The following ZNF469 variants were observed in gnomAD, a reference collection of about 807,000 sequenced individuals.
The protein encoded by ZNF469 is zinc finger protein 469.
In ZNF469, 1 loss-of-function variant was observed where a neutral mutation model predicts 1.0. The observed-to-expected ratio is 1.00, with a 90% CI of 0.35 to 4.73. The LOEUF is 4.73. Ranked by LOEUF, ZNF469 falls within the 30% of genes most tolerant of loss-of-function variation. The probability of loss-of-function intolerance (pLI) is 0.16; values close to 1 mark genes in which losing one functional copy is unlikely to be tolerated. For missense variants in ZNF469, 6,100 were observed against 5,356.3 expected (o/e 1.14, Z -4.33); for synonymous variants, 2,703 against 2,363.4 (o/e 1.14, Z -4.17).
the ZNF469 span, among the ~76,000 whole-genome samples, chr16:88,208,775 G>GCACACACACACACA: frequency 4.2e-5 from 2 of 47,442 alleles, no homozygotes; most frequent in African/African-American, 7.5e-5. Flanking sequence ...ATGCGCGTGC[G>GCACACACACACACA]CGCGCACACA....
chr16:88,260,037 G>A, the ZNF469 span, among the ~76,000 whole-genome samples: 759 of 152,092 alleles, frequency 5.0e-3, 8 homozygotes, highest in African/African-American at 0.018. The surrounding 1 kb of genome is among the most constrained non-coding windows in gnomAD (Gnocchi z 4.1). Context: ...GAGTGCAGTG[G>A]TAAGATCTTG....
chr16:88,249,429 C>CTTTTTTT, the ZNF469 span, among the ~76,000 whole-genome samples: 5 of 63,610 alleles, frequency 7.9e-5, no homozygotes, highest in African/African-American at 4.2e-4. Flanking sequence ...TTTTCTTTTT[C>CTTTTTTT]TTTTTTTTTT....
rs1473995772 is a variant in ZNF469 at position 88,429,389 on chromosome 16, A to G, written c.1919A>G (p.His640Arg). 2.0e-6 allele frequency: 3 copies of G among 1,524,616 alleles called. No individual in the cohort carries two copies. The highest frequency in any genetic ancestry group is 2.6e-6 in the Non-Finnish European group (3 of 1,134,922). 94.4% of individuals were successfully genotyped at this position (1,524,616 alleles called of 1,614,324 possible). The change falls in exon 3 of 3, where the codon CAC becomes CGC. Residue 640 changes from histidine (H) to arginine (R), a missense_variant. Transcript: ENST00000565624. ...TCGGCCTTCTTCCACCCACCCACTC[A>G]CCCCCAGGAGACGGGCAGCCCCTTC... is the stretch of plus-strand genomic sequence containing the variant. ...GPSAFFHPPT[H>R]PQETGSPFPS... is the part of the protein sequence containing the mutation.
chr16:88,154,516 C>T, the ZNF469 span, among the ~76,000 whole-genome samples: 14 of 152,318 alleles, frequency 9.2e-5, no homozygotes, highest in African/African-American at 2.4e-4. Context: ...ATGGTACCAT[C>T]GTAGAAAGTT....
At chr16:88,249,845 G>A in the ZNF469 span, among the ~76,000 whole-genome samples, 238 of 152,328 alleles carry the variant, frequency 1.6e-3, no homozygotes, top group African/African-American at 5.5e-3. Flanking sequence ...TCACAGGCGT[G>A]AGCCCCTGCA....
intron 1 of ZNF469, among the ~76,000 whole-genome samples, chr16:88,418,921 AG>A (rs771693987): frequency 6.6e-6 from 1 of 152,264 alleles, no homozygotes; most frequent in Non-Finnish European, 1.5e-5. Context: ...CCGTACGGCG[AG>A]GACTACAGAC....
chr16:88,188,568 G>A, the ZNF469 span, among the ~76,000 whole-genome samples: 1 of 152,148 alleles, frequency 6.6e-6, no homozygotes, highest in African/African-American at 2.4e-5. Flanking sequence ...GAATCTCTGG[G>A]AGTCCTGTTC....
intron 1 of ZNF469, among the ~76,000 whole-genome samples, chr16:88,390,288 G>T (rs988850841): frequency 7.2e-5 from 11 of 152,168 alleles, no homozygotes; most frequent in African/African-American, 2.4e-4. Flanking sequence ...GGATACACAT[G>T]GGAGTAGGGG....
chr16:88,140,026 T>C, the ZNF469 span, among the ~76,000 whole-genome samples: 1 of 152,172 alleles, frequency 6.6e-6, no homozygotes, highest in African/African-American at 2.4e-5. Flanking sequence ...ACTGTCAGGA[T>C]CAAGTGCAGT....
At position 88,431,444 on chromosome 16, in the gene ZNF469, G is replaced by A; in HGVS notation, c.3974G>A (p.Gly1325Glu). 1.3e-6 allele frequency: 2 copies of A among 1,550,366 alleles called. No individual in the cohort carries two copies. Among genetic ancestry groups the A allele is most frequent in the Non-Finnish European group, 1.7e-6 (2 of 1,146,984 alleles). Residue 1325 changes from glycine (G) to glutamate (E), a missense_variant, in exon 3 of 3, where the codon GGA becomes GAA. Physicochemically the swap from Gly to Glu is moderately conservative, Grantham distance 98. Coordinates refer to ENST00000565624, the MANE Select transcript of ZNF469 (RefSeq NM_001367624.2). Reference protein sequence around the residue: ...NSKDPPARQPGEFLAPVANPS... With the variant: ...NSKDPPARQPEEFLAPVANPS... ...AAGGACCCCCCTGCCCGCCAGCCTG[G>A]AGAATTTCTGGCACCCGTGGCTAAC...
chr16:88,120,935 G>A, the ZNF469 span, among the ~76,000 whole-genome samples: 5 of 152,174 alleles, frequency 3.3e-5, no homozygotes, highest in Non-Finnish European at 7.4e-5. Flanking sequence ...GCCATGCGGC[G>A]TTTCTTGGCC....
the ZNF469 span, among the ~76,000 whole-genome samples, chr16:88,153,556 C>T: frequency 6.6e-6 from 1 of 152,218 alleles, no homozygotes; most frequent in African/African-American, 2.4e-5. Flanking sequence ...TATGGGGACA[C>T]AAATGGCACG....
At chr16:88,310,167 G>T in the ZNF469 span, among the ~76,000 whole-genome samples, 1 of 152,150 alleles carries the variant, frequency 6.6e-6, no homozygotes, top group South Asian at 2.1e-4. Flanking sequence ...AGCCTGGCAT[G>T]AGAGCAAATC....
the ZNF469 span, among the ~76,000 whole-genome samples, chr16:88,362,929 C>T: frequency 1.3e-5 from 2 of 152,180 alleles, no homozygotes; most frequent in African/African-American, 2.4e-5. Context: ...GGTTAAACCA[C>T]GTCCATTAAT....
the ZNF469 span, among the ~76,000 whole-genome samples, chr16:88,152,257 C>T: frequency 6.6e-6 from 1 of 152,260 alleles, no homozygotes; most frequent in East Asian, 1.9e-4. This position sits in a 1 kb window ranked among gnomAD's most constrained non-coding sequence, Gnocchi z 4.2. Context: ...CTTGCTCTGG[C>T]CCTAACGCGT....
chr16:88,155,211 G>A, the ZNF469 span, among the ~76,000 whole-genome samples: 5 of 152,248 alleles, frequency 3.3e-5, no homozygotes, highest in Admixed American at 2.6e-4. Flanking sequence ...TGCAAGTGCC[G>A]GCCCACAGGG....
chr16:88,381,371 C>A (rs923361723), upstream of ZNF469, among the ~76,000 whole-genome samples: 2 of 138,618 alleles, frequency 1.4e-5, no homozygotes, highest in African/African-American at 5.4e-5. Flanking sequence ...CATGCACTCA[C>A]ACACAGAGAC....
At position 88,424,738 on chromosome 16, in the gene ZNF469, T is replaced by TCTC. The variant is rs1228790610; in HGVS notation, c.-191-65_-191-63dup. On this transcript the variant is annotated intron_variant, in intron 1 of 2. Transcript: ENST00000565624. The surrounding 1 kb of genome is among the most constrained non-coding windows in gnomAD (Gnocchi z 4.3). ...AGGAGCCGCTCCCTCCCACCTGGCTTCTCCTCGGGCTCTTGGTCCAGAGCC... is the reference window on the plus strand; with the variant it reads ...AGGAGCCGCTCCCTCCCACCTGGCTTCTCCTCCTCGGGCTCTTGGTCCAGAGCC... Among the ~76,000 whole-genome samples, 1 of 151,836 alleles carries TCTC rather than the reference T, an allele frequency of 6.6e-6. No individual in the cohort carries two copies. The highest frequency in any genetic ancestry group is 1.5e-5 in the Non-Finnish European group (1 of 67,922).
Position 88,432,038 on chromosome 16 carries a change from T to A in ZNF469, c.4568T>A (p.Val1523Glu). The A allele has an allele frequency of 6.4e-7, 1 of 1,550,460 alleles. No homozygotes were observed. The highest frequency in any genetic ancestry group is 1.2e-5 in the South Asian group (1 of 84,056). Residue 1523 changes from valine to glutamate, a missense_variant, in exon 3 of 3, where the codon GTG (valine) becomes GAG (glutamate). By Grantham distance (121) the Val-to-Glu change is moderately radical. Coordinates refer to ENST00000565624, the MANE Select transcript of ZNF469 (RefSeq NM_001367624.2). ...SHFPDLSGGK[V>E]LSKTCPPERT... ...TTTCCTGATCTCTCGGGGGGAAAGG[T>A]GCTCAGTAAGACGTGTCCCCCTGAA... is the stretch of plus-strand genomic sequence containing the variant.
Sources: gnomAD v4.1 joint callset for allele counts (sites outside exome capture counted in the v4.1 genomes callset) on GRCh38, gnomAD v4.1.1 for gene constraint, Gnocchi (gnomAD v3.1) non-coding constraint, MANE v1.5 for transcripts, NCBI Gene and HGNC (gene_info 2026-07-23, HGNC 2026-07-21) for gene names.